The following RBFOX1 variants were observed in gnomAD, a reference collection of about 807,000 sequenced individuals.
RBFOX1 encodes the protein RNA binding protein fox-1 homolog 1.
In RBFOX1, 8 loss-of-function variants were observed where a neutral mutation model predicts 57.7. The observed-to-expected ratio is 0.14, with a 90% CI of 0.08 to 0.25. RBFOX1 has a LOEUF of 0.25. Among genes scored for constraint, RBFOX1 ranks in the 10% least tolerant of loss-of-function variants. The pLI, the probability that RBFOX1 is intolerant of heterozygous loss-of-function variation, is 1.00. For missense variants in RBFOX1, 611 were observed against 548.5 expected, an observed-to-expected ratio of 1.11 and a Z score of -1.14; for synonymous variants, 326 against 222.4, an observed-to-expected ratio of 1.47 and a Z score of -4.15.
At chr16:6,289,360 T>A (rs1333924051) in intron 1 of RBFOX1, among the ~76,000 whole-genome samples, 1 of 152,278 alleles carries the variant, frequency 6.6e-6, no homozygotes, top group East Asian at 1.9e-4. Context: ...CAAAGTATAA[T>A]GCCCTTCCCT....
intron 1 of RBFOX1, among the ~76,000 whole-genome samples, chr16:5,376,154 C>G (rs1434784486): frequency 1.4e-5 from 2 of 147,826 alleles, no homozygotes; most frequent in African/African-American, 5.0e-5. Context: ...GGTGACAGAG[C>G]ATGACTCTGT....
intron 1 of RBFOX1, among the ~76,000 whole-genome samples, chr16:6,295,100 T>G (rs977326022): frequency 0.039 from 90 of 2,322 alleles, 3 homozygotes; most frequent in Middle Eastern, 0.25. Context: ...AAGCAGTGAG[T>G]TTTTTTTTTT....
chr16:6,762,826 T>A (rs1344846896), intron 3 of RBFOX1, among the ~76,000 whole-genome samples: 1 of 152,134 alleles, frequency 6.6e-6, no homozygotes, highest in African/African-American at 2.4e-5. Flanking sequence ...AAACCAGGTG[T>A]TACCAGAGTC....
At chr16:6,962,072 C>T (rs191974413) in intron 3 of RBFOX1, among the ~76,000 whole-genome samples, 3 of 152,316 alleles carry the variant, frequency 2.0e-5, no homozygotes, top group South Asian at 2.1e-4. Flanking sequence ...CTGACACTTT[C>T]ATGATTCTGA....
intron 4 of RBFOX1, among the ~76,000 whole-genome samples, chr16:7,131,033 G>C (rs957369692): frequency 6.6e-6 from 1 of 152,102 alleles, no homozygotes; most frequent in Non-Finnish European, 1.5e-5. Flanking sequence ...ACTTTGAATT[G>C]CCTTTTTAAT....
chr16:5,335,500 C>T (rs1432365188), intron 1 of RBFOX1, among the ~76,000 whole-genome samples: 1 of 152,172 alleles, frequency 6.6e-6, no homozygotes, highest in Non-Finnish European at 1.5e-5. Flanking sequence ...GGAGATAAAA[C>T]AGAAAGGTAT....
chr16:7,158,834 TTGTA>T (rs139653918), intron 4 of RBFOX1, among the ~76,000 whole-genome samples: 10,080 of 152,014 alleles, frequency 0.066, 438 homozygotes, highest in South Asian at 0.13. Flanking sequence ...CAGCACTTGT[TTGTA>T]TGGTATGTGT....
chr16:7,001,020 C>T (rs760549135), intron 3 of RBFOX1, among the ~76,000 whole-genome samples: 2 of 152,022 alleles, frequency 1.3e-5, no homozygotes, highest in Non-Finnish European at 2.9e-5. Context: ...ACTCCTTTTT[C>T]ATTTATTAGA....
chr16:6,084,114 A>T (rs1332929343), intron 1 of RBFOX1, among the ~76,000 whole-genome samples: 2 of 152,208 alleles, frequency 1.3e-5, no homozygotes, highest in Non-Finnish European at 2.9e-5. Context: ...ATCTGTAAAT[A>T]CGGCCAATAA....
At chr16:7,017,668 C>T (rs2093983011) in intron 3 of RBFOX1, among the ~76,000 whole-genome samples, 1 of 152,072 alleles carries the variant, frequency 6.6e-6, no homozygotes, top group African/African-American at 2.4e-5. Flanking sequence ...ACATGCTTGA[C>T]CTTGGTGAGG....
At chr16:6,056,422 C>T (rs1596775094) in intron 1 of RBFOX1, among the ~76,000 whole-genome samples, 2 of 152,176 alleles carry the variant, frequency 1.3e-5, no homozygotes, top group Admixed American at 6.5e-5. Flanking sequence ...TCCTCCCTTT[C>T]TTCCCCTACC....
chr16:7,081,403 G>T (rs190283236), intron 4 of RBFOX1, among the ~76,000 whole-genome samples: 1 of 152,268 alleles, frequency 6.6e-6, no homozygotes, highest in East Asian at 1.9e-4. Context: ...TTGTGTGTTT[G>T]TGTCCTAAAC....
intron 4 of RBFOX1, among the ~76,000 whole-genome samples, chr16:5,989,301 A>T (rs1159088304): frequency 6.6e-6 from 1 of 152,156 alleles, no homozygotes; most frequent in Non-Finnish European, 1.5e-5. Flanking sequence ...ACTGCACTGC[A>T]GCCTGGGTGA....
intron 1 of RBFOX1, among the ~76,000 whole-genome samples, chr16:6,183,878 T>C (rs2152796830): frequency 6.6e-6 from 1 of 152,268 alleles, no homozygotes; most frequent in South Asian, 2.1e-4. Context: ...ACCTGGGATT[T>C]AGCTTTGAGC....
intron 14 of RBFOX1, among the ~76,000 whole-genome samples, chr16:7,685,834 C>A (rs1443631978): frequency 6.6e-6 from 1 of 152,044 alleles, no homozygotes; most frequent in African/African-American, 2.4e-5. Context: ...GATTTGAAAT[C>A]AGATCTTTTA....
At chr16:6,588,988 C>G (rs2097671437) in intron 2 of RBFOX1, among the ~76,000 whole-genome samples, 1 of 152,128 alleles carries the variant, frequency 6.6e-6, no homozygotes, top group Admixed American at 6.5e-5. Context: ...TTGATACTAC[C>G]TAACTATCCT....
In RBFOX1 at chr16:5,353,204, T is replaced by C. The variant is rs1366042630; in HGVS notation, c.219+113099T>C. ...GCCTGGCCAACATGGTGAAATCCCA[T>C]CTCTACTAAAAATAAATACAAAAAT... On this transcript the variant is annotated intron_variant, in intron 1 of 2. Coordinates refer to the RBFOX1 transcript ENST00000585867. Among the ~76,000 whole-genome samples, 5 of 151,934 alleles carry C rather than the reference T, an allele frequency of 3.3e-5. No homozygotes were observed. In the East Asian group the frequency reaches 9.7e-4, roughly 30 times the overall value.
intron 2 of RBFOX1, among the ~76,000 whole-genome samples, chr16:5,574,736 C>T (rs932765614): frequency 6.6e-6 from 1 of 152,128 alleles, no homozygotes; most frequent in Non-Finnish European, 1.5e-5. Flanking sequence ...TCTCACTCCT[C>T]CCTGTTTTAG....
intron 4 of RBFOX1, among the ~76,000 whole-genome samples, chr16:7,293,521 T>C (rs775635103): frequency 1.3e-5 from 2 of 152,172 alleles, no homozygotes; most frequent in Non-Finnish European, 2.9e-5. Flanking sequence ...CAGAATGGGC[T>C]AATTAATTTT....
Sources: gnomAD v4.1 joint callset for allele counts (sites outside exome capture counted in the v4.1 genomes callset) on GRCh38, gnomAD v4.1.1 for gene constraint, MANE v1.5 for transcripts, NCBI Gene and HGNC (gene_info 2026-07-23, HGNC 2026-07-21) for gene names.